The following GIT2 variants were observed in gnomAD, a reference collection of about 807,000 sequenced individuals.
GIT2 encodes the protein ARF GTPase-activating protein GIT2.
GIT2 carries 32 observed loss-of-function variants against 100.3 expected under a neutral mutation model. The observed-to-expected ratio is 0.32, with a 90% CI of 0.24 to 0.43. The LOEUF (loss-of-function observed/expected upper bound fraction) is 0.43, where lower values mean the gene tolerates loss of function less well. Ranked by LOEUF, GIT2 falls within the 20% of genes least tolerant of loss-of-function variation. The probability of loss-of-function intolerance (pLI) is 1.00; values close to 1 mark genes in which losing one functional copy is unlikely to be tolerated. For missense variants in GIT2, 737 were observed against 975.1 expected, an observed-to-expected ratio of 0.76 and a Z score of 3.25; for synonymous variants, 353 against 364.1, an observed-to-expected ratio of 0.97 and a Z score of 0.35.
chr12:109,976,078 T>C (rs1333458515), intron 7 of GIT2, among the ~76,000 whole-genome samples: 1 of 151,104 alleles, frequency 6.6e-6, no homozygotes, highest in African/African-American at 2.4e-5. Flanking sequence ...TGTAGTCTTC[T>C]TTCAGTGGTT....
Position 109,934,062 on chromosome 12 carries a change from A to G in GIT2, c.2027T>C (p.Ile676Thr). 6.4e-7 allele frequency: 1 copy of G among 1,572,492 alleles called. No individual in the cohort carries two copies. The change falls in exon 19 of 20, where the codon ATA (isoleucine) becomes ACA (threonine). Residue 676 changes from isoleucine (I) to threonine (T), a missense_variant. Physicochemically the swap from Ile to Thr is moderately conservative, Grantham distance 89. Coordinates refer to ENST00000355312, the MANE Select transcript of GIT2 (RefSeq NM_057169.5). This position sits in a 1 kb window ranked among gnomAD's most constrained non-coding sequence, Gnocchi z 4.5. ...HDSYIPCSER[I>T]HVAVTEMAAL... Reference sequence around the variant, plus strand: ...TGCCATTTCTGTAACAGCTACGTGTATCCTCTCTGAGCAGGGAATATAACT... The same window carrying G: ...TGCCATTTCTGTAACAGCTACGTGTGTCCTCTCTGAGCAGGGAATATAACT...
chr12:109,959,701 G>A (rs541089736), intron 12 of GIT2, 146 bp downstream of exon 12: 182 of 616,448 alleles, frequency 3.0e-4, no homozygotes, highest in African/African-American at 2.0e-3. Context: ...CAGGTATCCC[G>A]GAACTTAAAG....
intron 9 of GIT2, among the ~76,000 whole-genome samples, chr12:109,964,066 G>C (rs1881691706): frequency 6.6e-6 from 1 of 152,178 alleles, no homozygotes; most frequent in South Asian, 2.1e-4. Context: ...GCAGCTTCCA[G>C]TGAAGCAAAT....
chr12:109,975,974 G>A (rs1035339886), intron 7 of GIT2, among the ~76,000 whole-genome samples: 1 of 151,732 alleles, frequency 6.6e-6, no homozygotes, highest in Non-Finnish European at 1.5e-5. Flanking sequence ...GTTTCACCAT[G>A]TTGGCCAGGA....
chr12:109,946,258 A>G (rs1876328977), intron 15 of GIT2, among the ~76,000 whole-genome samples: 2 of 152,226 alleles, frequency 1.3e-5, no homozygotes, highest in Non-Finnish European at 2.9e-5. Flanking sequence ...ACTCCCAATT[A>G]TAGTAAAACA....
chr12:109,996,281 T>TGGCGGCGGC lies in GIT2; in HGVS notation c.-66_-58dup. On this transcript the variant is annotated 5_prime_UTR_variant, in exon 1 of 20. Transcript: ENST00000355312. ...GGCCGGGGGACAGCAAAGGCGGCGG[T>TGGCGGCGGC]GGCGGCGGCGCTTCCGCTCTAACGG... The TGGCGGCGGC allele has an allele frequency of 2.4e-6, 3 of 1,276,064 alleles. No individual in the cohort carries two copies. The highest frequency in any genetic ancestry group is 3.3e-6 in the Non-Finnish European group (3 of 916,948). The allele number at this position is 1,276,064 out of a possible 1,614,324, so 79.0% of individuals were successfully genotyped here. A position where few individuals can be genotyped will look rare whatever the true frequency, so the allele number is the denominator to read the frequency against.
intron 4 of GIT2, 114 bp downstream of exon 4, chr12:109,988,848 CA>C (rs59956597): frequency 0.16 from 32,786 of 203,432 alleles, 83 homozygotes; most frequent in African/African-American, 0.18. Context: ...GACTCTGTCT[CA>C]AAAAAAAAAA....
At position 109,929,915 on chromosome 12, in the gene GIT2, GAAT is replaced by G. The variant is rs1565920228; in HGVS notation, c.*3060_*3062del. The G allele has an allele frequency of 6.6e-6, 1 of 152,604 alleles. No individual in the cohort carries two copies. Among genetic ancestry groups the G allele is most frequent in the South Asian group, 2.1e-4 (1 of 4,832 alleles). 9.5% of individuals were successfully genotyped at this position (152,604 alleles called of 1,614,324 possible). ...AATAGAATGTACAATAAAAAGTACA[GAAT>G]AATGAGTGACAGGGATCAAACACGT... On this transcript the variant is annotated 3_prime_UTR_variant, in exon 20 of 20. Transcript: ENST00000355312.
chr12:109,942,883 G>A (rs1875198050), intron 16 of GIT2: 1 of 152,208 alleles, frequency 6.6e-6, no homozygotes. Flanking sequence ...AAAAGCATAT[G>A]TACAGAATTT....
chr12:109,941,286 T>C (rs1874606652), intron 16 of GIT2, among the ~76,000 whole-genome samples: 1 of 152,204 alleles, frequency 6.6e-6, no homozygotes, highest in African/African-American at 2.4e-5. Context: ...CTAATTTCTG[T>C]AGAATCGACA....
intron 16 of GIT2, among the ~76,000 whole-genome samples, chr12:109,943,376 G>T (rs1436009225): frequency 6.6e-6 from 1 of 152,000 alleles, no homozygotes; most frequent in East Asian, 1.9e-4. Context: ...CGCCCAGGCT[G>T]GAGTGCAGTG....
intron 4 of GIT2, among the ~76,000 whole-genome samples, chr12:109,986,188 T>C (rs199612960): frequency 1.3e-5 from 2 of 152,166 alleles, no homozygotes; most frequent in South Asian, 4.1e-4. Context: ...CCTTAACTCA[T>C]TCTGTGAAGC....
chr12:109,939,169 T>C lies in GIT2; in HGVS notation c.1810A>G (p.Met604Val), dbSNP rs1565934993. The change falls in exon 17 of 20, where the codon ATG becomes GTG. Residue 604 changes from methionine to valine, a missense_variant. Transcript: ENST00000355312. ...NTPNDMEPDG[M>V]GSSRKGRQRS... ...ACGCTCGTCCTGTGCATGTACCCCATGCCATCTGGCTCCATGTCGTTGGGA... is the reference window on the plus strand; with the variant it reads ...ACGCTCGTCCTGTGCATGTACCCCACGCCATCTGGCTCCATGTCGTTGGGA... 6.2e-7 allele frequency: 1 copy of C among 1,600,168 alleles called. No individual in the cohort carries two copies. Among genetic ancestry groups the C allele is most frequent in the Non-Finnish European group, 8.6e-7 (1 of 1,167,498 alleles).
chr12:109,936,513 A>G (rs1184578567), intron 18 of GIT2, among the ~76,000 whole-genome samples: 1 of 152,218 alleles, frequency 6.6e-6, no homozygotes, highest in Non-Finnish European at 1.5e-5. Flanking sequence ...AAGCACATTG[A>G]CAAATGGGGT....
rs1303399352 is a variant in GIT2, at chr12:109,933,881, G to A, written c.2067+141C>T. On this transcript the variant is annotated intron_variant, in intron 19 of 19. Transcript: ENST00000355312. This position sits in a 1 kb window ranked among gnomAD's most constrained non-coding sequence, Gnocchi z 4.5. Reference sequence around the variant, plus strand: ...CTCCCAAAGTGCTGGGGTTACAGGCGTGAGCCACCACACCCGGCCTCGACT... The same window carrying A: ...CTCCCAAAGTGCTGGGGTTACAGGCATGAGCCACCACACCCGGCCTCGACT... 13 of 655,098 alleles carry A rather than the reference G, an allele frequency of 2.0e-5. No homozygotes were observed. The highest frequency in any genetic ancestry group is 5.1e-5 in the South Asian group (3 of 58,744). 40.6% of individuals were successfully genotyped at this position (655,098 alleles called of 1,614,324 possible). A position where few individuals can be genotyped will look rare whatever the true frequency, so the allele number is the denominator to read the frequency against.
rs1164031319 is a variant in GIT2, at chr12:109,930,509, C to G, written c.*2469G>C. 3.9e-5 allele frequency: 6 copies of G among 152,290 alleles called. No homozygotes were observed. Among genetic ancestry groups the G allele is most frequent in the Non-Finnish European group, 7.3e-5 (5 of 68,086 alleles). 9.4% of individuals were successfully genotyped at this position (152,290 alleles called of 1,614,324 possible). On this transcript the variant is annotated 3_prime_UTR_variant, in exon 20 of 20. Transcript: ENST00000355312. ...CCAACAGGAGCAGAGAACTCTGACA[C>G]CAGATCTCAGATGAGGCCAAGGAAA...
chr12:109,991,380 A>AT (rs1888366942), intron 2 of GIT2, among the ~76,000 whole-genome samples: 1 of 152,192 alleles, frequency 6.6e-6, no homozygotes, highest in African/African-American at 2.4e-5. Flanking sequence ...AGATATTTTA[A>AT]TGACTATTCA....
intron 7 of GIT2, among the ~76,000 whole-genome samples, chr12:109,977,899 G>C (rs750763992): frequency 4.0e-5 from 6 of 151,888 alleles, no homozygotes; most frequent in Admixed American, 3.9e-4. Context: ...TCAAATCACT[G>C]TTTTTCTATA....
At chr12:109,952,632 G>A (rs990973809) in intron 13 of GIT2, 7 of 519,510 alleles carry the variant, frequency 1.3e-5, no homozygotes, top group Non-Finnish European at 2.3e-5. Context: ...AATCCCAAGC[G>A]TCCCTTGAGG....
Sources: allele counts gnomAD v4.1 joint callset (sites outside exome capture counted in the v4.1 genomes callset), GRCh38; gene constraint gnomAD v4.1.1; non-coding constraint Gnocchi (gnomAD v3.1); transcripts MANE v1.5; gene names NCBI Gene and HGNC (gene_info 2026-07-23, HGNC 2026-07-21).